ANKIB1: variants seen among roughly 807,000 people sequenced by gnomAD.
ANKIB1 encodes ankyrin repeat and IBR domain containing 1, also known as ankyrin repeat and IBR domain-containing protein 1.
Under a neutral mutation model 122.1 loss-of-function variants are expected in ANKIB1, and 43 were observed. The observed-to-expected ratio is 0.35, with a 90% CI of 0.28 to 0.45. ANKIB1 has a LOEUF of 0.45. Among genes scored for constraint, ANKIB1 ranks in the 20% least tolerant of loss-of-function variants. ANKIB1 has a pLI of 1.00. For missense variants in ANKIB1, 992 were observed against 1,329.5 expected, an observed-to-expected ratio of 0.75 and a Z score of 3.95; for synonymous variants, 390 against 442.0, an observed-to-expected ratio of 0.88 and a Z score of 1.48.
chr7:92,282,881 AAG>A (rs2131904087), intron 1 of ANKIB1, among the ~76,000 whole-genome samples: 1 of 152,224 alleles, frequency 6.6e-6, no homozygotes, highest in Non-Finnish European at 1.5e-5. Context: ...ATAAAAAAGT[AAG>A]AGTCATGTTT....
At chr7:92,268,915 C>A (rs1801728367) in intron 1 of ANKIB1, among the ~76,000 whole-genome samples, 1 of 151,992 alleles carries the variant, frequency 6.6e-6, no homozygotes, top group Admixed American at 6.6e-5. Flanking sequence ...GGAGAAATAC[C>A]CTTCATTTTT....
intron 7 of ANKIB1, 102 bp from the exon 8 acceptor site, chr7:92,350,848 C>A: frequency 2.6e-6 from 3 of 1,171,728 alleles, no homozygotes; most frequent in Middle Eastern, 2.6e-4. Context: ...TGGAATGAGA[C>A]CCTGTCTCTA....
rs749150708 is a variant in ANKIB1 at position 92,398,974 on chromosome 7, G to C, written c.*25G>C. 29 of 1,521,384 alleles carry C rather than the reference G, an allele frequency of 1.9e-5. No homozygotes were observed. Among genetic ancestry groups the C allele is most frequent in the Admixed American group, 1.7e-4 (8 of 46,494 alleles). 94.2% of individuals were successfully genotyped at this position (1,521,384 alleles called of 1,614,324 possible). A position where few individuals can be genotyped will look rare whatever the true frequency, so the allele number is the denominator to read the frequency against. On this transcript the variant is annotated 3_prime_UTR_variant, in exon 20 of 20. Coordinates refer to ENST00000265742, the MANE Select transcript of ANKIB1 (RefSeq NM_019004.2). Reference sequence around the variant, plus strand: ...AACTGCACACATCTGGGCTCTAAATGAATTACAGGTACAGATGGTATGCTA... The same window carrying C: ...AACTGCACACATCTGGGCTCTAAATCAATTACAGGTACAGATGGTATGCTA...
chr7:92,391,495 AT>A (rs11311575), intron 16 of ANKIB1, among the ~76,000 whole-genome samples, 151 bp downstream of exon 16: 21,942 of 149,466 alleles, frequency 0.15, 1,984 homozygotes, highest in East Asian at 0.39. Context: ...TTTTTTGGTG[AT>A]TTTTTTTTTC....
At chr7:92,273,552 A>G (rs899522115) in intron 1 of ANKIB1, among the ~76,000 whole-genome samples, 1 of 152,324 alleles carries the variant, frequency 6.6e-6, no homozygotes, top group Middle Eastern at 3.4e-3. Context: ...TTACAGAAAT[A>G]ACTACTAGAA....
At chr7:92,369,517 C>A (rs1341798095) in intron 10 of ANKIB1, among the ~76,000 whole-genome samples, 1 of 152,178 alleles carries the variant, frequency 6.6e-6, no homozygotes, top group Non-Finnish European at 1.5e-5. Flanking sequence ...AGAGCCACTT[C>A]CCAGGGGTCA....
At chr7:92,296,975 T>G (rs1802368974) in intron 2 of ANKIB1, among the ~76,000 whole-genome samples, 1 of 152,196 alleles carries the variant, frequency 6.6e-6, no homozygotes, top group Non-Finnish European at 1.5e-5. Flanking sequence ...CTTAGTTGTT[T>G]GAAATTTTAT....
chr7:92,309,936 A>AT (rs1554338749), intron 3 of ANKIB1, among the ~76,000 whole-genome samples: 10 of 115,150 alleles, frequency 8.7e-5, no homozygotes, highest in East Asian at 3.7e-4. Context: ...AAAAAAAAAA[A>AT]AAAAAAATAT....
intron 16 of ANKIB1, among the ~76,000 whole-genome samples, chr7:92,391,791 A>ATT (rs532234456): frequency 2.9e-4 from 44 of 152,250 alleles, no homozygotes; most frequent in Non-Finnish European, 5.0e-4. Context: ...TATTTAAGTG[A>ATT]TAAACCCATC....
intron 3 of ANKIB1, among the ~76,000 whole-genome samples, chr7:92,313,282 A>G (rs564788369): frequency 2.0e-5 from 3 of 152,300 alleles, no homozygotes; most frequent in African/African-American, 4.8e-5. Context: ...TACAGGGCCT[A>G]TTTGACACTT....
At chr7:92,374,253 G>T (rs2115650629) in intron 11 of ANKIB1, among the ~76,000 whole-genome samples, 1 of 152,320 alleles carries the variant, frequency 6.6e-6, no homozygotes, top group African/African-American at 2.4e-5. Context: ...GAGGCAGGCA[G>T]ATCACCTGAG....
intron 1 of ANKIB1, among the ~76,000 whole-genome samples, chr7:92,254,917 T>A (rs1009282438): frequency 6.6e-6 from 1 of 152,192 alleles, no homozygotes; most frequent in African/African-American, 2.4e-5. Flanking sequence ...GGTAATTGAA[T>A]CATAGCATGA....
intron 5 of ANKIB1, among the ~76,000 whole-genome samples, chr7:92,334,219 TAAAAC>T (rs1193005760): frequency 6.6e-6 from 1 of 152,128 alleles, no homozygotes; most frequent in Non-Finnish European, 1.5e-5. Context: ...TACAGAGACT[TAAAAC>T]AGTTAGAATC....
chr7:92,279,615 A>G (rs1562769286), intron 1 of ANKIB1, among the ~76,000 whole-genome samples: 1 of 152,182 alleles, frequency 6.6e-6, no homozygotes, highest in Non-Finnish European at 1.5e-5. Flanking sequence ...TCCTGCTTTT[A>G]GTTCAGCAGA....
rs374259241 is a variant in ANKIB1 at position 92,345,206 on chromosome 7, C to G, written c.1085+140C>G. 40 of 594,222 alleles carry G rather than the reference C, an allele frequency of 6.7e-5. No homozygotes were observed. In the African/African-American group the frequency reaches 7.6e-4, roughly 11 times the overall value. The allele number at this position is 594,222 out of a possible 1,614,324, so 36.8% of individuals were successfully genotyped here. On this transcript the variant is annotated intron_variant, in intron 7 of 19. Coordinates refer to ENST00000265742, the MANE Select transcript of ANKIB1 (RefSeq NM_019004.2). Reference sequence around the variant, plus strand: ...TACACAGAAATGAATTTAGACTTTACTAGTAAGGAAAAATATTTTTGTTTT... The same window carrying G: ...TACACAGAAATGAATTTAGACTTTAGTAGTAAGGAAAAATATTTTTGTTTT...
intron 4 of ANKIB1, among the ~76,000 whole-genome samples, chr7:92,323,789 A>G (rs10240009): frequency 0.52 from 78,861 of 152,116 alleles, 21,338 homozygotes; most frequent in African/African-American, 0.68. Flanking sequence ...ACTAATACAC[A>G]CTATATATAA....
At chr7:92,250,148 C>T (rs1801295480) in intron 1 of ANKIB1, among the ~76,000 whole-genome samples, 1 of 152,122 alleles carries the variant, frequency 6.6e-6, no homozygotes, top group Non-Finnish European at 1.5e-5. Flanking sequence ...AATCCCAGAA[C>T]TTTGGGAGGC....
chr7:92,305,872 G>T (rs544938829), intron 2 of ANKIB1, among the ~76,000 whole-genome samples: 1 of 152,174 alleles, frequency 6.6e-6, no homozygotes, highest in African/African-American at 2.4e-5. Flanking sequence ...TTTACTGCCC[G>T]TGAGATATGT....
At chr7:92,348,069 T>G (rs1368937517) in intron 7 of ANKIB1, 1 of 390,522 alleles carries the variant, frequency 2.6e-6, no homozygotes, top group Non-Finnish European at 5.0e-6. Context: ...AACTCCATGT[T>G]CTGCTCATAA....
Sources: gnomAD v4.1 joint callset for allele counts (sites outside exome capture counted in the v4.1 genomes callset) on GRCh38, gnomAD v4.1.1 for gene constraint, MANE v1.5 for transcripts, NCBI Gene and HGNC (gene_info 2026-07-23, HGNC 2026-07-21) for gene names.